Variants in RERE observed in about 807,000 individuals in gnomAD.
The protein encoded by RERE is arginine-glutamic acid dipeptide repeats.
RERE carries 40 observed loss-of-function variants against 146.1 expected under a neutral mutation model. That is an observed-to-expected ratio of 0.27 (90% CI 0.21 to 0.36). The LOEUF is 0.36. Among genes scored for constraint, RERE ranks in the 10% least tolerant of loss-of-function variants. The pLI, the probability that RERE is intolerant of heterozygous loss-of-function variation, is 1.00. For synonymous variants in RERE, 1,003 were observed against 866.0 expected (o/e 1.16, Z -2.78); for missense variants, 1,933 against 2,138.7 (o/e 0.90, Z 1.90).
chr1:8,451,625 C>A (rs939684427), intron 11 of RERE, among the ~76,000 whole-genome samples: 12 of 152,076 alleles, frequency 7.9e-5, no homozygotes, highest in African/African-American at 2.9e-4. Flanking sequence ...GTGACTCCAG[C>A]GTGCTAATAG....
intron 1 of RERE, among the ~76,000 whole-genome samples, chr1:8,685,267 G>A (rs1172441993): frequency 6.6e-6 from 1 of 152,096 alleles, no homozygotes; most frequent in Non-Finnish European, 1.5e-5. Flanking sequence ...GGCTTTCCAG[G>A]AAGCATTTTA....
chr1:8,742,818 T>C (rs1232698348), intron 1 of RERE, among the ~76,000 whole-genome samples: 1 of 148,024 alleles, frequency 6.8e-6, no homozygotes, highest in African/African-American at 2.5e-5. Context: ...CACTGAGCTG[T>C]GATCATGCCA....
chr1:8,422,912 C>A (rs535945758), intron 11 of RERE, 105 bp from the exon 12 acceptor site: 116 of 852,908 alleles, frequency 1.4e-4, no homozygotes, highest in Non-Finnish European at 2.1e-4. Flanking sequence ...CAAAAAAAGT[C>A]TCGGCTAGGG....
chr1:8,682,235 A>G (rs1638987807), intron 1 of RERE, among the ~76,000 whole-genome samples: 1 of 152,192 alleles, frequency 6.6e-6, no homozygotes, highest in Non-Finnish European at 1.5e-5. Flanking sequence ...TGTCTATAAC[A>G]AAGTCAGGCT....
chr1:8,503,095 T>A (rs1429614160), intron 8 of RERE, among the ~76,000 whole-genome samples: 24 of 138,038 alleles, frequency 1.7e-4, no homozygotes, highest in African/African-American at 6.8e-4. Context: ...TAAAAATAAA[T>A]AAATAAATAA....
intron 1 of RERE, among the ~76,000 whole-genome samples, chr1:8,795,584 G>A (rs554203651): frequency 6.6e-6 from 1 of 152,248 alleles, no homozygotes; most frequent in South Asian, 2.1e-4. Flanking sequence ...TAGTTCAGGT[G>A]GAAATGGACT....
intron 1 of RERE, among the ~76,000 whole-genome samples, chr1:8,663,641 T>C (rs1638504439): frequency 6.6e-6 from 1 of 152,182 alleles, no homozygotes; most frequent in Admixed American, 6.5e-5. Flanking sequence ...CCCACCACTT[T>C]TTTTCATAAT....
chr1:8,431,382 T>C (rs1557629056), intron 11 of RERE, among the ~76,000 whole-genome samples: 1 of 152,240 alleles, frequency 6.6e-6, no homozygotes, highest in Non-Finnish European at 1.5e-5. Flanking sequence ...TGTCTGATGA[T>C]CTGTCACTGT....
chr1:8,657,978 T>G (rs367696711), intron 1 of RERE, among the ~76,000 whole-genome samples: 1 of 152,190 alleles, frequency 6.6e-6, no homozygotes, highest in East Asian at 1.9e-4. Flanking sequence ...CCTAATAAAG[T>G]ACTCCCCAAA....
intron 7 of RERE, among the ~76,000 whole-genome samples, chr1:8,532,045 C>T (rs1241102450): frequency 6.6e-6 from 1 of 152,164 alleles, no homozygotes; most frequent in East Asian, 1.9e-4. Context: ...GTACCACATA[C>T]ATACGCTATG....
At chr1:8,559,300 AAAAACAGAACAAAAC>A (rs1557686482) in intron 4 of RERE, among the ~76,000 whole-genome samples, 1 of 145,870 alleles carries the variant, frequency 6.9e-6, no homozygotes, top group African/African-American at 2.5e-5. Context: ...AAAAAAAAAA[AAAAACAGAACAAAAC>A]AAAACAAAAA....
At chr1:8,500,702 G>T (rs1242054782) in intron 8 of RERE, among the ~76,000 whole-genome samples, 1 of 150,366 alleles carries the variant, frequency 6.7e-6, no homozygotes, top group Non-Finnish European at 1.5e-5. Context: ...CTCTCTGCCT[G>T]GCTGCCCAGT....
chr1:8,588,835 T>G (rs1646458109), intron 4 of RERE, among the ~76,000 whole-genome samples: 1 of 152,148 alleles, frequency 6.6e-6, no homozygotes, highest in Non-Finnish European at 1.5e-5. Context: ...AAGAAACTAC[T>G]GACTGAGGCT....
intron 6 of RERE, among the ~76,000 whole-genome samples, chr1:8,542,897 A>G (rs1645816367): frequency 6.6e-6 from 1 of 152,236 alleles, no homozygotes; most frequent in African/African-American, 2.4e-5. Context: ...GTTCTATAGA[A>G]TAGAAGCTAC....
intron 1 of RERE, among the ~76,000 whole-genome samples, chr1:8,717,337 CAAT>C (rs1639784366): frequency 6.6e-6 from 1 of 152,190 alleles, no homozygotes; most frequent in African/African-American, 2.4e-5. Context: ...TTCTCAAACA[CAAT>C]AACGCCTTGT....
intron 1 of RERE, among the ~76,000 whole-genome samples, chr1:8,728,217 G>C (rs759584778): frequency 5.9e-5 from 9 of 152,196 alleles, no homozygotes; most frequent in Non-Finnish European, 1.3e-4. Context: ...TACTGAGCAC[G>C]CATGCAATAA....
chr1:8,620,207 C>A (rs1009852820), intron 3 of RERE, among the ~76,000 whole-genome samples: 3 of 152,128 alleles, frequency 2.0e-5, no homozygotes, highest in East Asian at 1.9e-4. Flanking sequence ...TCATGAAGAG[C>A]CACTCAAGCT....
chr1:8,421,911 C>T (rs1243179213), intron 12 of RERE, among the ~76,000 whole-genome samples: 1 of 152,136 alleles, frequency 6.6e-6, no homozygotes, highest in Non-Finnish European at 1.5e-5. Context: ...GGAGTGGCTG[C>T]TCCAACTCCA....
chr1:8,418,368 C>T (rs1643834920), intron 12 of RERE, among the ~76,000 whole-genome samples: 1 of 152,146 alleles, frequency 6.6e-6, no homozygotes, highest in African/African-American at 2.4e-5. Context: ...AAAGCATGTC[C>T]CCTTTCACCT....
Sources: allele counts gnomAD v4.1 joint callset (sites outside exome capture counted in the v4.1 genomes callset), GRCh38; gene constraint gnomAD v4.1.1; transcripts MANE v1.5; gene names NCBI Gene and HGNC (gene_info 2026-07-23, HGNC 2026-07-21).